The following LMOD2 variants were observed in gnomAD, a reference collection of about 807,000 sequenced individuals.
LMOD2 encodes the protein leiomodin-2.
A neutral mutation model predicts 41.7 loss-of-function variants in LMOD2; 27 were observed. The ratio of observed to expected loss-of-function variants is 0.65; its 90% CI spans 0.48 to 0.89. The LOEUF (loss-of-function observed/expected upper bound fraction) is 0.89, where lower values mean the gene tolerates loss of function less well. LMOD2 is among the 40% of genes least tolerant of loss of function. The pLI is 0.00. For missense variants in LMOD2, 624 were observed against 667.9 expected (o/e 0.93, Z 0.72); for synonymous variants, 251 against 244.6 (o/e 1.03, Z -0.25).
intron 2 of LMOD2, 197 bp downstream of exon 2, chr7:123,663,400 T>C (rs1434554039): frequency 2.8e-6 from 2 of 709,402 alleles, no homozygotes; most frequent in Non-Finnish European, 4.5e-6. Context: ...GAGGAACGCC[T>C]GGGCCGCTTT....
rs1330042425 is a variant in LMOD2 at position 123,663,826 on chromosome 7, T to C, written c.*81T>C. On this transcript the variant is annotated 3_prime_UTR_variant, in exon 3 of 3. Transcript: ENST00000458573. ...ATTGTGAGATGTTTCTAAAATACCTTCTTCAATTCAAAATGATCCCTGACT... is the reference window on the plus strand; with the variant it reads ...ATTGTGAGATGTTTCTAAAATACCTCCTTCAATTCAAAATGATCCCTGACT... The C allele has an allele frequency of 1.1e-5, 13 of 1,147,446 alleles. No homozygotes were observed. The highest frequency in any genetic ancestry group is 1.6e-5 in the Non-Finnish European group (13 of 798,980). 71.1% of individuals were successfully genotyped at this position (1,147,446 alleles called of 1,614,324 possible). A position where few individuals can be genotyped will look rare whatever the true frequency, so the allele number is the denominator to read the frequency against.
chr7:123,660,430 TG>T (rs1351292167), intron 1 of LMOD2, among the ~76,000 whole-genome samples: 2 of 151,870 alleles, frequency 1.3e-5, no homozygotes, highest in African/African-American at 4.8e-5. Flanking sequence ...CAGGAGTGGC[TG>T]ACCCCTTCCC....
intron 1 of LMOD2, among the ~76,000 whole-genome samples, chr7:123,658,249 C>T (rs935197401): frequency 6.6e-6 from 1 of 152,102 alleles, no homozygotes; most frequent in Non-Finnish European, 1.5e-5. Context: ...AGGCTATTAA[C>T]TTTTTCTCCC....
rs1460734117 is a variant in LMOD2 at position 123,662,024 on chromosome 7, G to A, written c.438G>A (p.Gly146=). The A allele has an allele frequency of 6.4e-7, 1 of 1,574,734 alleles. No individual in the cohort carries two copies. Among genetic ancestry groups the A allele is most frequent in the East Asian group, 2.3e-5 (1 of 43,188 alleles). ...EEERTIETAK[G]INGTVNYDSV... The stretch of plus-strand genomic sequence containing the variant: ...AAAGAACAATTGAAACTGCAAAAGG[G>A]ATTAATGGAACTGTAAATTATGATA... The change falls in exon 2 of 3, where the codon GGG becomes GGA. Residue 146 remains glycine (G), a synonymous_variant. Coordinates refer to ENST00000458573, the MANE Select transcript of LMOD2 (RefSeq NM_207163.3). The surrounding 1 kb of genome is among the most constrained non-coding windows in gnomAD (Gnocchi z 4.0).
rs1386316298 is a variant in LMOD2 at position 123,662,896 on chromosome 7, G to T, written c.1310G>T (p.Arg437Met). ...CCTCCTCCCCCTCCTTCTTCCCAAA[G>T]GCTGCCACCACCTCCTCCTCCTCCC... ...PPPPPPPSSQ[R>M]LPPPPPPPPP... Residue 437 changes from arginine to methionine, a missense_variant, in exon 2 of 3, where the codon AGG (arginine) becomes ATG (methionine). Transcript: ENST00000458573. The surrounding 1 kb of genome is among the most constrained non-coding windows in gnomAD (Gnocchi z 4.0). 26 of 1,478,494 alleles carry T rather than the reference G, an allele frequency of 1.8e-5. 1 individual carries two copies. In the South Asian group the frequency reaches 2.2e-4, roughly 13 times the overall value. 91.6% of individuals were successfully genotyped at this position (1,478,494 alleles called of 1,614,324 possible).
chr7:123,657,495 A>G (rs1364127883), intron 1 of LMOD2, among the ~76,000 whole-genome samples: 1 of 152,182 alleles, frequency 6.6e-6, no homozygotes, highest in East Asian at 1.9e-4. Flanking sequence ...GGGTCTGCCA[A>G]GGCCACAGTA....
intron 1 of LMOD2, among the ~76,000 whole-genome samples, chr7:123,661,603 A>T (rs575831427): frequency 3.3e-4 from 50 of 152,318 alleles, no homozygotes; most frequent in African/African-American, 1.0e-3. Flanking sequence ...AAATGATTAT[A>T]TATTTTTATT....
chr7:123,662,880 C>T lies in LMOD2; in HGVS notation c.1294C>T (p.Pro432Ser), dbSNP rs770026885. 12 of 1,552,760 alleles carry T rather than the reference C, an allele frequency of 7.7e-6. No individual in the cohort carries two copies. The Admixed American group carries it at 2.3e-4, about 30-fold the overall frequency. Residue 432 changes from proline to serine, a missense_variant, in exon 2 of 3, where the codon CCT (proline) becomes TCT (serine). By Grantham distance (74) the Pro-to-Ser change is moderately conservative. Transcript: ENST00000458573. The surrounding 1 kb of genome is among the most constrained non-coding windows in gnomAD (Gnocchi z 4.0). The part of the protein sequence containing the change: ...PPPPPPPPPP[P>S]PSSQRLPPPP... ...TCCTCCCCCTCCTCCTCCTCCTCCC[C>T]CTCCTTCTTCCCAAAGGCTGCCACC...
Position 123,656,100 on chromosome 7 carries a change from T to C in LMOD2, c.137T>C (p.Leu46Pro). ...ELEDIEPDRN[L>P]PVGLRQKSLT... Reference sequence around the variant, plus strand: ...GAAGACATTGAACCTGACCGCAACCTTCCCGTGGGGCTAAGGCAAAAGAGC... The same window carrying C: ...GAAGACATTGAACCTGACCGCAACCCTCCCGTGGGGCTAAGGCAAAAGAGC... The change falls in exon 1 of 3, where the codon CTT becomes CCT. Residue 46 changes from leucine to proline, a missense_variant. Physicochemically the swap from Leu to Pro is moderately conservative, Grantham distance 98 (BLOSUM62 -3). Transcript: ENST00000458573. 1.2e-6 allele frequency: 2 copies of C among 1,611,654 alleles called. No individual in the cohort carries two copies. The highest frequency in any genetic ancestry group is 1.7e-6 in the Non-Finnish European group (2 of 1,178,922).
rs1316308989 is a variant in LMOD2, at chr7:123,662,596, T to G, written c.1010T>G (p.Leu337Arg). 3.1e-6 allele frequency: 5 copies of G among 1,613,668 alleles called. No individual in the cohort carries two copies. Among genetic ancestry groups the G allele is most frequent in the Non-Finnish European group, 4.2e-6 (5 of 1,179,884 alleles). The change falls in exon 2 of 3, where the codon CTC becomes CGC. Residue 337 changes from leucine (L) to arginine (R), a missense_variant. By Grantham distance (102) the Leu-to-Arg change is moderately radical (BLOSUM62 -2). Coordinates refer to ENST00000458573, the MANE Select transcript of LMOD2 (RefSeq NM_207163.3). This position sits in a 1 kb window ranked among gnomAD's most constrained non-coding sequence, Gnocchi z 4.0. ...CTGAGGCTGGGATACCATTTTGAAC[T>G]CCCAGGACCAAGAATGAGCATGACG... ...TLLRLGYHFE[L>R]PGPRMSMTSI... is the part of the protein sequence containing the mutation.
At chr7:123,656,282 C>A in intron 1 of LMOD2, 46 bp downstream of exon 1, 2 of 1,540,992 alleles carry the variant, frequency 1.3e-6, no homozygotes, top group South Asian at 1.2e-5. Flanking sequence ...CTCCCCATCA[C>A]CCCATCCCAA....
Position 123,662,532 on chromosome 7 carries a change from A to G in LMOD2, c.946A>G (p.Met316Val). ...QRHIMGSQVE[M>V]EIVKLLKENT... ...GCACATCATGGGCAGCCAGGTGGAA[A>G]TGGAGATTGTCAAGCTGCTGAAGGA... The change falls in exon 2 of 3, where the codon ATG (methionine) becomes GTG (valine). Residue 316 changes from methionine (M) to valine (V), a missense_variant. Met to Val is a conservative substitution (Grantham distance 21). Transcript: ENST00000458573. The surrounding 1 kb of genome is among the most constrained non-coding windows in gnomAD (Gnocchi z 4.0). 2 of 1,613,784 alleles carry G rather than the reference A, an allele frequency of 1.2e-6. No homozygotes were observed. Among genetic ancestry groups the G allele is most frequent in the Non-Finnish European group, 8.5e-7 (1 of 1,179,830 alleles).
rs60080688 is a variant in LMOD2, at chr7:123,660,305, TCC to T, written c.274-1553_274-1552del. 1.0e-3 allele frequency among the ~76,000 whole-genome samples: 116 copies of T among 114,878 alleles called. 2 individuals are homozygous for T. In the South Asian group the frequency reaches 0.028, roughly 27 times the overall value. The allele number at this position is 114,878 out of a possible 152,430, so 75.4% of individuals were successfully genotyped here. On this transcript the variant is annotated intron_variant, in intron 1 of 2. Transcript: ENST00000458573. ...CTCTCTTTCTCTCTCTCTCTCTCTCTCCCTCTCTCTCTCTCTCTCACACACAC... is the reference window on the plus strand; with the variant it reads ...CTCTCTTTCTCTCTCTCTCTCTCTCTCTCTCTCTCTCTCTCTCACACACAC...
At chr7:123,656,267 C>T (rs368877946) in intron 1 of LMOD2, 31 bp downstream of exon 1, 1 of 1,567,866 alleles carries the variant, frequency 6.4e-7, no homozygotes, top group Non-Finnish European at 8.7e-7. Context: ...CTTGGCTAAC[C>T]CCACCTCCCC....
chr7:123,655,878 G>C lies in LMOD2; in HGVS notation c.-86G>C. On this transcript the variant is annotated 5_prime_UTR_variant, in exon 1 of 3. Coordinates refer to ENST00000458573, the MANE Select transcript of LMOD2 (RefSeq NM_207163.3). ...CACTCCTAGCACCAGTTGTTGACCA[G>C]CCTGCCACTTGCCTCCCTGCCTGCT... is the stretch of plus-strand genomic sequence containing the variant. 7.8e-7 allele frequency: 1 copy of C among 1,279,586 alleles called. No individual in the cohort carries two copies. The highest frequency in any genetic ancestry group is 1.1e-6 in the Non-Finnish European group (1 of 930,298). The allele number at this position is 1,279,586 out of a possible 1,614,324, so 79.3% of individuals were successfully genotyped here.
rs1562951267 is a variant in LMOD2, at chr7:123,661,970, AGAG to A, written c.390_392del (p.Glu132del). The A allele has an allele frequency of 6.4e-7, 1 of 1,558,564 alleles. No individual in the cohort carries two copies. The highest frequency in any genetic ancestry group is 2.4e-5 in the East Asian group (1 of 41,918). ...AGGAGGAGGAGGAGTCCCAGGAGGA[AGAG>A]GAGGAAGAAGACAGTGACGAAGAGG... On this transcript the variant is annotated inframe_deletion, in exon 2 of 3. Transcript: ENST00000458573.
rs767870153 is a variant in LMOD2, at chr7:123,662,919, C to T, written c.1333C>T (p.Pro445Ser). 7.7e-6 allele frequency: 12 copies of T among 1,553,278 alleles called. No individual in the cohort carries two copies. Among genetic ancestry groups the T allele is most frequent in the Admixed American group, 2.0e-5 (1 of 50,912 alleles). The change falls in exon 2 of 3, where the codon CCC (proline) becomes TCC (serine). Residue 445 changes from proline to serine, a missense_variant. Pro to Ser is a moderately conservative substitution (Grantham distance 74). Coordinates refer to ENST00000458573, the MANE Select transcript of LMOD2 (RefSeq NM_207163.3). The surrounding 1 kb of genome is among the most constrained non-coding windows in gnomAD (Gnocchi z 4.0). Reference sequence around the variant, plus strand: ...AAGGCTGCCACCACCTCCTCCTCCTCCCCCTCCTCCACTCCCAGAGAAAAA... The same window carrying T: ...AAGGCTGCCACCACCTCCTCCTCCTTCCCCTCCTCCACTCCCAGAGAAAAA... The part of the protein sequence containing the change: ...SQRLPPPPPP[P>S]PPPLPEKKLI...
chr7:123,663,074 A>G lies in LMOD2; in HGVS notation c.1488A>G (p.Ile496Met). The G allele has an allele frequency of 6.4e-7, 1 of 1,558,886 alleles. No individual in the cohort carries two copies. The highest frequency in any genetic ancestry group is 1.4e-5 in the African/African-American group (1 of 73,390). The change falls in exon 2 of 3, where the codon ATA becomes ATG. Residue 496 changes from isoleucine to methionine, a missense_variant. Transcript: ENST00000458573. The stretch of plus-strand genomic sequence containing the variant: ...AGCCAAACAGTATTCTAAAGGAAAT[A>G]AAAAATTCTCTGAGGTCAGTGCAAG... ...KKQPNSILKE[I>M]KNSLRSVQEK...
At chr7:123,656,545 G>T (rs1200353899) in intron 1 of LMOD2, among the ~76,000 whole-genome samples, 1 of 152,156 alleles carries the variant, frequency 6.6e-6, no homozygotes, top group Non-Finnish European at 1.5e-5. Flanking sequence ...TGTTGTTTGA[G>T]CTATATGTTG....
Sources: allele counts gnomAD v4.1 joint callset (sites outside exome capture counted in the v4.1 genomes callset), GRCh38; gene constraint gnomAD v4.1.1; non-coding constraint Gnocchi (gnomAD v3.1); transcripts MANE v1.5; gene names NCBI Gene and HGNC (gene_info 2026-07-23, HGNC 2026-07-21).